The following SLC35F3 variants were observed in gnomAD, a reference collection of about 807,000 sequenced individuals.
SLC35F3 encodes putative thiamine transporter SLC35F3.
In SLC35F3, 25 loss-of-function variants were observed where a neutral mutation model predicts 49.9. The observed-to-expected ratio is 0.50, with a 90% confidence interval of 0.37 to 0.70. SLC35F3 has a LOEUF of 0.70. SLC35F3 is among the 30% of genes least tolerant of loss of function. SLC35F3 has a pLI of 0.00. For synonymous variants in SLC35F3, 275 were observed against 265.4 expected (o/e 1.04, Z -0.35); for missense variants, 525 against 639.8 (o/e 0.82, Z 1.94).
At chr1:234,262,588 G>A (rs995003127) in intron 3 of SLC35F3, among the ~76,000 whole-genome samples, 13 of 152,266 alleles carry the variant, frequency 8.5e-5, no homozygotes, top group South Asian at 4.2e-4. Context: ...CTGGTCCTCC[G>A]GAGGGCCGCT....
chr1:233,952,403 C>A (rs1223513098), intron 2 of SLC35F3, among the ~76,000 whole-genome samples: 3 of 152,112 alleles, frequency 2.0e-5, no homozygotes, highest in Non-Finnish European at 4.4e-5. Context: ...GTGGGCTGTG[C>A]TCCAATATAG....
At chr1:234,225,758 G>A (rs943521551) in intron 2 of SLC35F3, among the ~76,000 whole-genome samples, 2 of 152,170 alleles carry the variant, frequency 1.3e-5, no homozygotes, top group African/African-American at 4.8e-5. Context: ...CTTCACAGCA[G>A]CCCCAAACTG....
chr1:233,907,853 G>A (rs1303636409), intron 2 of SLC35F3, among the ~76,000 whole-genome samples: 2 of 152,222 alleles, frequency 1.3e-5, no homozygotes, highest in Non-Finnish European at 2.9e-5. Flanking sequence ...AGCCTCCTGC[G>A]TAGCTGGGAT....
intron 3 of SLC35F3, among the ~76,000 whole-genome samples, chr1:234,263,697 C>T (rs1234482208): frequency 6.6e-6 from 1 of 152,160 alleles, no homozygotes; most frequent in Non-Finnish European, 1.5e-5. Flanking sequence ...AGGGTGACAT[C>T]CTAGAAGCAG....
chr1:233,980,013 T>C (rs1663154346), intron 2 of SLC35F3, among the ~76,000 whole-genome samples: 1 of 152,194 alleles, frequency 6.6e-6, no homozygotes, highest in Non-Finnish European at 1.5e-5. Context: ...CTCTAAGATA[T>C]AGCCAGGCTT....
intron 2 of SLC35F3, among the ~76,000 whole-genome samples, chr1:233,968,473 CTTTTT>C (rs56904804): frequency 0.031 from 12 of 384 alleles, no homozygotes; most frequent in African/African-American, 0.069. Flanking sequence ...GGTAGTTTTT[CTTTTT>C]CTTTTTCTTT....
chr1:234,147,163 T>C (rs1666009897), intron 2 of SLC35F3, among the ~76,000 whole-genome samples: 1 of 152,120 alleles, frequency 6.6e-6, no homozygotes, highest in South Asian at 2.1e-4. Context: ...AAGGATGGAC[T>C]TACCTTATCT....
intron 2 of SLC35F3, among the ~76,000 whole-genome samples, chr1:234,230,040 A>G (rs914547305): frequency 1.1e-4 from 17 of 152,330 alleles, no homozygotes; most frequent in African/African-American, 3.8e-4. Flanking sequence ...GGGCTTTTCA[A>G]CTTGGATATG....
intron 2 of SLC35F3, among the ~76,000 whole-genome samples, chr1:233,908,416 G>C (rs1373281474): frequency 6.6e-6 from 1 of 151,988 alleles, no homozygotes; most frequent in African/African-American, 2.4e-5. Flanking sequence ...ATTTTGTTTG[G>C]GTTGTTAAGA....
intron 2 of SLC35F3, among the ~76,000 whole-genome samples, chr1:234,051,650 A>G (rs1014250097): frequency 5.3e-5 from 8 of 152,004 alleles, no homozygotes; most frequent in Admixed American, 3.9e-4. Context: ...CTGCCTGATT[A>G]CCCTGGCCAG....
At chr1:234,072,533 A>G (rs1664730832) in intron 2 of SLC35F3, among the ~76,000 whole-genome samples, 1 of 152,234 alleles carries the variant, frequency 6.6e-6, no homozygotes, top group Non-Finnish European at 1.5e-5. Context: ...AGAAAAATTA[A>G]GCCAGGAGGG....
intron 3 of SLC35F3, among the ~76,000 whole-genome samples, chr1:234,303,609 T>C (rs550180066): frequency 8.1e-4 from 123 of 152,342 alleles, no homozygotes; most frequent in African/African-American, 2.9e-3. Context: ...GATAATTGAT[T>C]GGTGATAGAA....
chr1:234,272,888 A>T (rs781327049), intron 3 of SLC35F3, among the ~76,000 whole-genome samples: 22 of 151,988 alleles, frequency 1.4e-4, no homozygotes, highest in Admixed American at 7.9e-4. Context: ...GCTGCCCCTG[A>T]TGTGCCATGG....
Position 234,231,584 on chromosome 1 carries a change from G to A in SLC35F3, c.451G>A (p.Gly151Ser), listed in dbSNP as rs746372474. ...GCTGTGCGTGTGCTCCTCGTGGGCG[G>A]GCTCCACGCAGCTCGCCAAGCTGAC... The part of the protein sequence containing the change: ...VVLCVCSSWA[G>S]STQLAKLTFR... The change falls in exon 3 of 8, where the codon GGC (glycine) becomes AGC (serine). Residue 151 changes from glycine to serine, a missense_variant. Physicochemically the swap from Gly to Ser is moderately conservative, Grantham distance 56 (BLOSUM62 0). Transcript: ENST00000366618. This position sits in a 1 kb window ranked among gnomAD's most constrained non-coding sequence, Gnocchi z 5.4. 4 of 1,614,170 alleles carry A rather than the reference G, an allele frequency of 2.5e-6. No individual in the cohort carries two copies. Among genetic ancestry groups the A allele is most frequent in the South Asian group, 1.1e-5 (1 of 91,086 alleles).
chr1:233,943,253 A>T (rs945438929), intron 2 of SLC35F3, among the ~76,000 whole-genome samples: 1 of 152,256 alleles, frequency 6.6e-6, no homozygotes, highest in African/African-American at 2.4e-5. Flanking sequence ...AGAGTGGTCT[A>T]TAGGTGTCCA....
intron 2 of SLC35F3, among the ~76,000 whole-genome samples, chr1:234,025,793 G>T (rs1663968822): frequency 6.6e-6 from 1 of 152,044 alleles, no homozygotes. Flanking sequence ...AGTTTCTTTT[G>T]CTGTGCTGAA....
chr1:233,961,766 G>T (rs969829490), intron 2 of SLC35F3, among the ~76,000 whole-genome samples: 1 of 152,142 alleles, frequency 6.6e-6, no homozygotes, highest in Non-Finnish European at 1.5e-5. Context: ...TCTCATTTCA[G>T]CTTTTTTAGA....
At chr1:234,126,229 C>A (rs1177092806) in intron 2 of SLC35F3, among the ~76,000 whole-genome samples, 1 of 152,192 alleles carries the variant, frequency 6.6e-6, no homozygotes, top group Non-Finnish European at 1.5e-5. Flanking sequence ...CCCCTTGAAG[C>A]CTTCTCCTCT....
rs76678992 is a variant in SLC35F3 at position 234,167,710 on chromosome 1, T to C, written c.284-63707T>C. Among the ~76,000 whole-genome samples, 1,164 of 152,264 alleles carry C rather than the reference T, an allele frequency of 7.6e-3. 21 individuals are homozygous for C. Among genetic ancestry groups the C allele is most frequent in the African/African-American group, 0.025 (1,053 of 41,550 alleles). On this transcript the variant is annotated intron_variant, in intron 2 of 7. Coordinates refer to ENST00000366618, the MANE Select transcript of SLC35F3 (RefSeq NM_173508.4). ...CAAGCAGAGAGAGAAGGATTCATAC[T>C]GAATAGGTCACATGTGCCGAGAAAT...
Sources: allele counts gnomAD v4.1 joint callset (sites outside exome capture counted in the v4.1 genomes callset), GRCh38; gene constraint gnomAD v4.1.1; non-coding constraint Gnocchi (gnomAD v3.1); transcripts MANE v1.5; gene names NCBI Gene and HGNC (gene_info 2026-07-23, HGNC 2026-07-21).